Variants in SLC35F2 observed in about 807,000 individuals in gnomAD.
SLC35F2 encodes solute carrier family 35 member F2.
In SLC35F2, 25 loss-of-function variants were observed where a neutral mutation model predicts 38.1. That is an observed-to-expected ratio of 0.66 (90% CI 0.48 to 0.92). The LOEUF (loss-of-function observed/expected upper bound fraction) is 0.92, where lower values mean the gene tolerates loss of function less well. Ranked by LOEUF, SLC35F2 falls within the 40% of genes least tolerant of loss-of-function variation. The probability of loss-of-function intolerance (pLI) is 0.00; values close to 1 mark genes in which losing one functional copy is unlikely to be tolerated. For missense variants in SLC35F2, 409 were observed against 452.9 expected, an observed-to-expected ratio of 0.90 and a Z score of 0.88; for synonymous variants, 173 against 181.7, an observed-to-expected ratio of 0.95 and a Z score of 0.38.
intron 1 of SLC35F2, among the ~76,000 whole-genome samples, chr11:107,849,494 C>T (rs1011205805): frequency 4.6e-5 from 7 of 152,026 alleles, no homozygotes; most frequent in Middle Eastern, 3.2e-3. Flanking sequence ...CAAAAACTAG[C>T]CAGGCTTGGT....
chr11:107,811,220 G>A (rs1859474187), intron 3 of SLC35F2: 1 of 985,296 alleles, frequency 1.0e-6, no homozygotes, highest in Non-Finnish European at 1.2e-6. Flanking sequence ...AGGGATGGGA[G>A]TTTTAACTCT....
In SLC35F2 at chr11:107,858,489, A is replaced by G. The variant is rs553455617; in HGVS notation, c.110+169T>C. On this transcript the variant is annotated intron_variant, in intron 1 of 7. Coordinates refer to ENST00000525815, the MANE Select transcript of SLC35F2 (RefSeq NM_017515.5). ...CCAAGTGCTTCCCGACGCCAGGTGA[A>G]GCGCACCATACCTGGTGTGCGTGTT... 1.2e-4 allele frequency: 61 copies of G among 509,192 alleles called. 1 individual carries two copies. The highest frequency in any genetic ancestry group is 1.1e-3 in the African/African-American group (55 of 50,542). 31.5% of individuals were successfully genotyped at this position (509,192 alleles called of 1,614,324 possible). A position where few individuals can be genotyped will look rare whatever the true frequency, so the allele number is the denominator to read the frequency against.
chr11:107,852,333 C>T (rs1860200028), intron 1 of SLC35F2, among the ~76,000 whole-genome samples: 1 of 152,042 alleles, frequency 6.6e-6, no homozygotes, highest in South Asian at 2.1e-4. Context: ...AGGCGAATCA[C>T]GAGGTGAGGA....
chr11:107,818,000 T>C (rs978954095), intron 1 of SLC35F2, among the ~76,000 whole-genome samples: 2 of 142,368 alleles, frequency 1.4e-5, no homozygotes, highest in African/African-American at 5.3e-5. Flanking sequence ...GAGTTTGCAG[T>C]GAGCCGAGAT....
chr11:107,830,873 G>A lies in SLC35F2; in HGVS notation c.111-14908C>T, dbSNP rs182172616. 3.1e-3 allele frequency among the ~76,000 whole-genome samples: 469 copies of A among 152,218 alleles called. 1 individual carries two copies. The highest frequency in any genetic ancestry group is 7.7e-3 in the Admixed American group (117 of 15,278). ...TTAACAAATGAGTATTGGGGAAAGG[G>A]TGTCAAAATCTTTCAAAACATAAGA... On this transcript the variant is annotated intron_variant, in intron 1 of 7. Coordinates refer to ENST00000525815, the MANE Select transcript of SLC35F2 (RefSeq NM_017515.5).
chr11:107,823,082 T>C lies in SLC35F2; in HGVS notation c.111-7117A>G, dbSNP rs926395953. On this transcript the variant is annotated intron_variant, in intron 1 of 7. Coordinates refer to ENST00000525815, the MANE Select transcript of SLC35F2 (RefSeq NM_017515.5). ...TCAAATTAGATAGGCAGTCCTCTAC[T>C]GATTATATATTTAAAAATCACTGGG... 3.3e-6 allele frequency: 3 copies of C among 911,536 alleles called. No homozygotes were observed. In the African/African-American group the frequency reaches 5.4e-5, roughly 16 times the overall value. 56.5% of individuals were successfully genotyped at this position (911,536 alleles called of 1,614,324 possible). A position where few individuals can be genotyped will look rare whatever the true frequency, so the allele number is the denominator to read the frequency against.
At chr11:107,852,918 C>A (rs1280822546) in intron 1 of SLC35F2, among the ~76,000 whole-genome samples, 1 of 151,488 alleles carries the variant, frequency 6.6e-6, no homozygotes, top group Non-Finnish European at 1.5e-5. Context: ...GTGGCCCATG[C>A]TGATAATCCC....
At chr11:107,806,899 GT>G in intron 3 of SLC35F2, 23 bp from the exon 4 acceptor site, 1 of 1,605,622 alleles carries the variant, frequency 6.2e-7, no homozygotes. Flanking sequence ...AGAATCAACA[GT>G]TTAAAACATA....
chr11:107,837,949 A>G (rs1253539967), intron 1 of SLC35F2, among the ~76,000 whole-genome samples: 1 of 151,358 alleles, frequency 6.6e-6, no homozygotes, highest in Non-Finnish European at 1.5e-5. Context: ...ATCTAGTAAT[A>G]GTAATGGTAA....
At chr11:107,840,901 G>A (rs1029168986) in intron 1 of SLC35F2, among the ~76,000 whole-genome samples, 4 of 152,106 alleles carry the variant, frequency 2.6e-5, no homozygotes, top group African/African-American at 4.8e-5. Flanking sequence ...TAGAAAGCTC[G>A]TGGAGACCTG....
At chr11:107,832,329 AG>A (rs1859857541) in intron 1 of SLC35F2, among the ~76,000 whole-genome samples, 1 of 152,226 alleles carries the variant, frequency 6.6e-6, no homozygotes, top group Non-Finnish European at 1.5e-5. Context: ...GAACAAGAAA[AG>A]GCCTGGAGCC....
intron 1 of SLC35F2, among the ~76,000 whole-genome samples, chr11:107,833,518 CA>C (rs34376803): frequency 0.036 from 3,267 of 89,552 alleles, 113 homozygotes; most frequent in African/African-American, 0.14. Context: ...GACTCTGTCT[CA>C]AAAAAAAAAA....
At chr11:107,849,271 A>G (rs1860139523) in intron 1 of SLC35F2, among the ~76,000 whole-genome samples, 1 of 152,164 alleles carries the variant, frequency 6.6e-6, no homozygotes. Flanking sequence ...GGTCGGGGAT[A>G]GATGGAGGCA....
At chr11:107,846,038 T>A (rs1350859352) in intron 1 of SLC35F2, among the ~76,000 whole-genome samples, 1 of 151,964 alleles carries the variant, frequency 6.6e-6, no homozygotes, top group Non-Finnish European at 1.5e-5. Context: ...AATCTCTGGA[T>A]TCAAAGCTTT....
intron 1 of SLC35F2, among the ~76,000 whole-genome samples, chr11:107,853,868 A>G (rs1372879453): frequency 6.6e-6 from 1 of 152,006 alleles, no homozygotes; most frequent in Non-Finnish European, 1.5e-5. Context: ...TAATAATTAA[A>G]GGTTTTTGCT....
chr11:107,799,490 A>C (rs1451092326), intron 7 of SLC35F2, among the ~76,000 whole-genome samples: 1 of 152,328 alleles, frequency 6.6e-6, no homozygotes, highest in East Asian at 1.9e-4. Flanking sequence ...GAAAAACTTA[A>C]GGCTGACATT....
intron 7 of SLC35F2, among the ~76,000 whole-genome samples, chr11:107,800,519 A>ACTAT (rs1305684789): frequency 1.3e-5 from 2 of 152,224 alleles, no homozygotes; most frequent in Non-Finnish European, 2.9e-5. Context: ...CAGCATTCTA[A>ACTAT]CTATCTGCTC....
intron 1 of SLC35F2, among the ~76,000 whole-genome samples, chr11:107,835,670 T>A (rs1472495133): frequency 6.6e-6 from 1 of 152,138 alleles, no homozygotes. Context: ...ACTCAAGCGA[T>A]CTGCCTGCCT....
intron 1 of SLC35F2, among the ~76,000 whole-genome samples, chr11:107,849,943 T>A (rs1474947724): frequency 6.6e-6 from 1 of 152,194 alleles, no homozygotes; most frequent in East Asian, 1.9e-4. Context: ...AACAACTCCC[T>A]CCAGTGTTGA....
Sources: allele counts gnomAD v4.1 joint callset (sites outside exome capture counted in the v4.1 genomes callset), GRCh38; gene constraint gnomAD v4.1.1; transcripts MANE v1.5; gene names NCBI Gene and HGNC (gene_info 2026-07-23, HGNC 2026-07-21).